The following EYA1 variants were observed in gnomAD, a reference collection of about 807,000 sequenced individuals.
EYA1 encodes EYA transcriptional coactivator and phosphatase 1.
EYA1 carries 16 observed loss-of-function variants against 82.0 expected under a neutral mutation model. The ratio of observed to expected loss-of-function variants is 0.20; its 90% CI spans 0.13 to 0.30. The LOEUF (loss-of-function observed/expected upper bound fraction) is 0.30. Among genes scored for constraint, EYA1 ranks in the 10% least tolerant of loss-of-function variants. The pLI is 1.00. For missense variants in EYA1, 633 were observed against 730.7 expected (o/e 0.87, Z 1.54); for synonymous variants, 261 against 264.4 (o/e 0.99, Z 0.12).
intron 12 of EYA1, among the ~76,000 whole-genome samples, chr8:71,218,303 T>TATA (rs1447017932): frequency 2.6e-5 from 4 of 152,192 alleles, no homozygotes; most frequent in African/African-American, 9.7e-5. Flanking sequence ...TAGAAAGCAC[T>TATA]ATAATAATAG....
At chr8:71,284,189 G>T (rs1373868501) in intron 9 of EYA1, among the ~76,000 whole-genome samples, 10 of 152,198 alleles carry the variant, frequency 6.6e-5, no homozygotes, top group African/African-American at 2.4e-4. Context: ...GGAGGTTTGG[G>T]CCTAAAGGAG....
intron 2 of EYA1, among the ~76,000 whole-genome samples, chr8:71,470,109 C>CCTTTGCTAGTGTTCTCTAGCAAGA (rs1483050602): frequency 1.3e-5 from 2 of 152,034 alleles, no homozygotes; most frequent in African/African-American, 4.8e-5. Flanking sequence ...AAGTGTTCTC[C>CCTTTGCTAGTGTTCTCTAGCAAGA]CTTTGCTAGT....
At chr8:71,447,839 A>G (rs1807012215) in intron 2 of EYA1, among the ~76,000 whole-genome samples, 2 of 152,122 alleles carry the variant, frequency 1.3e-5, no homozygotes, top group Admixed American at 6.6e-5. Flanking sequence ...TTGGCTGTGA[A>G]GTCTTGCCCC....
chr8:71,461,291 C>G (rs529738921), intron 2 of EYA1, among the ~76,000 whole-genome samples: 1 of 152,026 alleles, frequency 6.6e-6, no homozygotes, highest in South Asian at 2.1e-4. Flanking sequence ...ATGCATGGAG[C>G]GGCAAGGGGT....
chr8:71,346,000 A>ACACACGTG (rs1026017075), intron 3 of EYA1, among the ~76,000 whole-genome samples: 19 of 152,046 alleles, frequency 1.2e-4, no homozygotes, highest in Non-Finnish European at 2.4e-4. Context: ...AAACACACAC[A>ACACACGTG]CACACGTGCA....
At chr8:71,249,022 A>G (rs1396391170) in intron 11 of EYA1, among the ~76,000 whole-genome samples, 1 of 152,028 alleles carries the variant, frequency 6.6e-6, no homozygotes, top group Non-Finnish European at 1.5e-5. Context: ...TTCTTTTAAA[A>G]CACCATTTTT....
At chr8:71,364,358 T>C (rs1432807616), upstream of EYA1, among the ~76,000 whole-genome samples, 1 of 151,934 alleles carries the variant, frequency 6.6e-6, no homozygotes, top group East Asian at 1.9e-4. Context: ...ATAATTACTA[T>C]TGCATACAAT....
At position 71,322,125 on chromosome 8, in the gene EYA1, C is replaced by T; in HGVS notation, c.272+74G>A. On this transcript the variant is annotated intron_variant, in intron 5 of 17. Transcript: ENST00000340726. ...TTTAAATTAAGATGGAACATGTGGG[C>T]ACAGACATGACTTTAAATAAATAAA... The T allele has an allele frequency of 2.3e-6, 3 of 1,285,158 alleles. No individual in the cohort carries two copies. In the South Asian group the frequency reaches 3.6e-5, roughly 15 times the overall value. The allele number at this position is 1,285,158 out of a possible 1,614,324, so 79.6% of individuals were successfully genotyped here. A position where few individuals can be genotyped will look rare whatever the true frequency, so the allele number is the denominator to read the frequency against.
At chr8:71,464,093 A>G (rs1361020330) in intron 2 of EYA1, among the ~76,000 whole-genome samples, 1 of 152,110 alleles carries the variant, frequency 6.6e-6, no homozygotes, top group East Asian at 1.9e-4. Context: ...TACCACATCT[A>G]AATAATCTTC....
At chr8:71,321,467 G>A (rs1822535522) in intron 6 of EYA1, among the ~76,000 whole-genome samples, 1 of 152,176 alleles carries the variant, frequency 6.6e-6, no homozygotes, top group Non-Finnish European at 1.5e-5. Flanking sequence ...TGCTCAAATG[G>A]CAAATTCAGG....
chr8:71,370,657 T>C (rs1283499587), intron 2 of EYA1, among the ~76,000 whole-genome samples: 1 of 152,140 alleles, frequency 6.6e-6, no homozygotes, highest in Non-Finnish European at 1.5e-5. Context: ...GGTCTCACTC[T>C]GTCACCTAGG....
chr8:71,490,360 G>A (rs1810901502), intron 2 of EYA1, among the ~76,000 whole-genome samples: 1 of 152,144 alleles, frequency 6.6e-6, no homozygotes, highest in Non-Finnish European at 1.5e-5. Flanking sequence ...AAGTAACCAT[G>A]GGGTATTGCA....
intron 2 of EYA1, among the ~76,000 whole-genome samples, chr8:71,450,492 A>G (rs1807272817): frequency 6.6e-6 from 1 of 152,244 alleles, no homozygotes; most frequent in Admixed American, 6.5e-5. Context: ...TTATATGGGC[A>G]TGGTTTGTGG....
intron 11 of EYA1, among the ~76,000 whole-genome samples, chr8:71,256,671 A>G (rs1814461551): frequency 1.3e-5 from 2 of 152,190 alleles, no homozygotes; most frequent in African/African-American, 4.8e-5. Context: ...AAAATGGTTA[A>G]GAAGGTAAAA....
chr8:71,238,534 C>A (rs1337517749), intron 12 of EYA1, among the ~76,000 whole-genome samples: 1 of 152,070 alleles, frequency 6.6e-6, no homozygotes, highest in African/African-American at 2.4e-5. Context: ...ATATTCTTCA[C>A]AAATACTTCT....
chr8:71,410,032 A>G lies in EYA1; in HGVS notation c.34-53521T>C, dbSNP rs1303032431. Among the ~76,000 whole-genome samples the G allele has an allele frequency of 2.0e-5, 3 of 152,178 alleles. No individual in the cohort carries two copies. In the East Asian group the frequency reaches 5.8e-4, roughly 29 times the overall value. ...ATCAAAAAGCTTATCCACCATGATC[A>G]AGTGGGCTTCATCCCTGGGTTCAAT... On this transcript the variant is annotated intron_variant, in intron 2 of 18. Coordinates refer to the EYA1 transcript ENST00000643681.
intron 9 of EYA1, among the ~76,000 whole-genome samples, chr8:71,281,993 T>G (rs552843286): frequency 6.6e-6 from 1 of 152,308 alleles, no homozygotes; most frequent in East Asian, 1.9e-4. Context: ...AGGGGTGTCA[T>G]GAGCAATACC....
intron 2 of EYA1, among the ~76,000 whole-genome samples, chr8:71,397,615 C>A (rs1043741091): frequency 6.6e-6 from 1 of 152,182 alleles, no homozygotes; most frequent in African/African-American, 2.4e-5. Flanking sequence ...TGAATATTGG[C>A]CCCCACTCTC....
chr8:71,392,954 T>C (rs1586616786), intron 2 of EYA1, among the ~76,000 whole-genome samples: 1 of 152,224 alleles, frequency 6.6e-6, no homozygotes, highest in Admixed American at 6.5e-5. Flanking sequence ...ATGTGTTTTA[T>C]GTTTTCTTAA....
Sources: allele counts gnomAD v4.1 joint callset (sites outside exome capture counted in the v4.1 genomes callset), GRCh38; gene constraint gnomAD v4.1.1; transcripts MANE v1.5; gene names NCBI Gene and HGNC (gene_info 2026-07-23, HGNC 2026-07-21).